PLSCR4: variants seen among roughly 807,000 people sequenced by gnomAD.
The protein encoded by PLSCR4 is phospholipid scramblase 4, also known as Ca(2+)-dependent phospholipid scramblase 4.
In PLSCR4, 25 loss-of-function variants were observed where a neutral mutation model predicts 36.3. The observed-to-expected ratio is 0.69, with a 90% CI of 0.50 to 0.96. PLSCR4 has a LOEUF of 0.96. Among genes scored for constraint, PLSCR4 ranks in the 40% least tolerant of loss-of-function variants. The pLI, the probability that PLSCR4 is intolerant of heterozygous loss-of-function variation, is 0.00. For missense variants in PLSCR4, 408 were observed against 414.7 expected (o/e 0.98, Z 0.14); for synonymous variants, 122 against 132.9 (o/e 0.92, Z 0.56).
intron 1 of PLSCR4, among the ~76,000 whole-genome samples, chr3:146,225,749 C>T (rs1267562012): frequency 6.6e-6 from 1 of 152,210 alleles, no homozygotes; most frequent in Non-Finnish European, 1.5e-5. Flanking sequence ...CAAGCCGACG[C>T]CCACCCGGAA....
chr3:146,227,216 A>G (rs543128654), intron 1 of PLSCR4, among the ~76,000 whole-genome samples: 61 of 152,282 alleles, frequency 4.0e-4, no homozygotes, highest in East Asian at 2.1e-3. Flanking sequence ...TGTCTCCATA[A>G]CAGGTTAGTA....
intron 3 of PLSCR4, among the ~76,000 whole-genome samples, chr3:146,208,496 C>G (rs566721355): frequency 6.6e-5 from 10 of 151,502 alleles, no homozygotes; most frequent in Admixed American, 2.0e-4. Flanking sequence ...AACAGACAAC[C>G]CAAACACAAT....
chr3:146,203,637 C>T (rs1473375188), intron 4 of PLSCR4, among the ~76,000 whole-genome samples: 1 of 151,978 alleles, frequency 6.6e-6, no homozygotes, highest in African/African-American at 2.4e-5. Context: ...TTTTTCCCCC[C>T]TTAAGCCTTG....
intron 1 of PLSCR4, 85 bp downstream of exon 1, chr3:146,250,875 T>TC (rs2036521608): frequency 6.6e-6 from 1 of 152,284 alleles, no homozygotes; most frequent in Admixed American, 6.6e-5. Flanking sequence ...GCCTCGGGCC[T>TC]CCCCTGACGA....
intron 1 of PLSCR4, among the ~76,000 whole-genome samples, chr3:146,237,425 A>T (rs1187171629): frequency 6.6e-6 from 1 of 152,134 alleles, no homozygotes; most frequent in Non-Finnish European, 1.5e-5. Flanking sequence ...ATAGCAGAAT[A>T]CCTGATTTTC....
At chr3:146,233,443 A>G (rs973464223) in intron 1 of PLSCR4, among the ~76,000 whole-genome samples, 5 of 152,100 alleles carry the variant, frequency 3.3e-5, no homozygotes, top group Non-Finnish European at 7.4e-5. Flanking sequence ...CCCACGGAAA[A>G]TGGGGATTCT....
intron 1 of PLSCR4, among the ~76,000 whole-genome samples, chr3:146,247,370 A>G (rs192647434): frequency 8.9e-4 from 134 of 150,052 alleles, no homozygotes; most frequent in African/African-American, 2.9e-3. Flanking sequence ...TTTTATCAAC[A>G]TTTTTGTAGT....
At chr3:146,249,548 C>T (rs182075433) in intron 1 of PLSCR4, among the ~76,000 whole-genome samples, 137 of 151,594 alleles carry the variant, frequency 9.0e-4, no homozygotes, top group Non-Finnish European at 1.0e-3. Context: ...TTTTGTAACA[C>T]CTTTTATTAT....
chr3:146,241,942 C>T (rs1362126322), intron 1 of PLSCR4, among the ~76,000 whole-genome samples: 1 of 152,108 alleles, frequency 6.6e-6, no homozygotes, highest in African/African-American at 2.4e-5. Context: ...TTAAATTGGG[C>T]CTAAAGCTGC....
In PLSCR4 at chr3:146,225,868, G is replaced by T. The variant is rs997669983; in HGVS notation, c.-21-3776C>A. ...CCAGCCTTGGCCAGCCCAGAAAGGG[G>T]CTCCCACAGTGCAGTGGTGGGCTGA... On this transcript the variant is annotated intron_variant, in intron 1 of 8. Transcript: ENST00000354952. 2.6e-5 allele frequency among the ~76,000 whole-genome samples: 4 copies of T among 152,308 alleles called. No individual in the cohort carries two copies. In the South Asian group the frequency reaches 8.3e-4, roughly 32 times the overall value.
intron 3 of PLSCR4, among the ~76,000 whole-genome samples, chr3:146,212,000 T>G (rs2034648074): frequency 6.6e-6 from 1 of 152,136 alleles, no homozygotes; most frequent in South Asian, 2.1e-4. Context: ...CTCCAATTTT[T>G]TTTCAAGATT....
At chr3:146,213,334 C>CTTTTTTTTTTT (rs60242461) in intron 3 of PLSCR4, among the ~76,000 whole-genome samples, 60 of 125,502 alleles carry the variant, frequency 4.8e-4, no homozygotes, top group East Asian at 1.2e-3. Context: ...GTAAAATTTC[C>CTTTTTTTTTTT]TTTTTTTTTT....
At chr3:146,219,649 G>C (rs912970561) in intron 3 of PLSCR4, among the ~76,000 whole-genome samples, 1 of 152,138 alleles carries the variant, frequency 6.6e-6, no homozygotes, top group Non-Finnish European at 1.5e-5. Flanking sequence ...GGGCACGGTG[G>C]CTCACACCTG....
intron 1 of PLSCR4, among the ~76,000 whole-genome samples, chr3:146,224,768 G>C (rs1189417201): frequency 2.0e-5 from 3 of 152,116 alleles, no homozygotes; most frequent in African/African-American, 7.2e-5. Flanking sequence ...GTAGAGCCGA[G>C]TGGCCTGTTT....
intron 1 of PLSCR4, among the ~76,000 whole-genome samples, chr3:146,245,864 T>C (rs995062769): frequency 6.6e-6 from 1 of 152,148 alleles, no homozygotes; most frequent in Non-Finnish European, 1.5e-5. Flanking sequence ...GGAAATATTA[T>C]GCACACCTTT....
chr3:146,225,891 T>C (rs1332228895), intron 1 of PLSCR4, among the ~76,000 whole-genome samples: 1 of 152,114 alleles, frequency 6.6e-6, no homozygotes, highest in African/African-American at 2.4e-5. Flanking sequence ...AGTGGTGGGC[T>C]GAAGGGCTCC....
intron 1 of PLSCR4, among the ~76,000 whole-genome samples, chr3:146,235,168 G>A (rs1267381073): frequency 6.6e-6 from 1 of 152,184 alleles, no homozygotes; most frequent in African/African-American, 2.4e-5. Context: ...ATATGGTTCA[G>A]CTCTGTGTCC....
In PLSCR4 at chr3:146,223,768, T is replaced by A. The variant is rs569364337; in HGVS notation, c.-21-1676A>T. 4.6e-5 allele frequency: 7 copies of A among 151,334 alleles called. No homozygotes were observed. In the East Asian group the frequency reaches 1.4e-3, roughly 29 times the overall value. 9.4% of individuals were successfully genotyped at this position (151,334 alleles called of 1,614,324 possible). On this transcript the variant is annotated intron_variant, in intron 1 of 8. Coordinates refer to ENST00000354952, the MANE Select transcript of PLSCR4 (RefSeq NM_020353.3). ...GGAGTTTGTTGTACGGTGCCCTATG[T>A]GTCTCCAAGCTTAAAAAATACATAT...
At chr3:146,234,546 CT>C (rs975617738) in intron 1 of PLSCR4, among the ~76,000 whole-genome samples, 3 of 151,934 alleles carry the variant, frequency 2.0e-5, no homozygotes, top group South Asian at 2.1e-4. Flanking sequence ...ACCCTGTTCC[CT>C]TTTTTTTCTC....
Sources: allele counts gnomAD v4.1 joint callset (sites outside exome capture counted in the v4.1 genomes callset), GRCh38; gene constraint gnomAD v4.1.1; transcripts MANE v1.5; gene names NCBI Gene and HGNC (gene_info 2026-07-23, HGNC 2026-07-21).